POU4F1: variants seen among roughly 807,000 people sequenced by gnomAD.
POU4F1 encodes POU class 4 homeobox 1.
Under a neutral mutation model 19.8 loss-of-function variants are expected in POU4F1, and 5 were observed. The observed-to-expected ratio is 0.25, with a 90% CI of 0.13 to 0.53. POU4F1 has a LOEUF of 0.53. Among genes scored for constraint, POU4F1 ranks in the 20% least tolerant of loss-of-function variants. The pLI, the probability that POU4F1 is intolerant of heterozygous loss-of-function variation, is 0.96. For missense variants in POU4F1, 408 were observed against 511.6 expected, an observed-to-expected ratio of 0.80 and a Z score of 1.95; for synonymous variants, 266 against 247.7, an observed-to-expected ratio of 1.07 and a Z score of -0.69.
rs1318419132 is a variant in POU4F1, at chr13:78,599,180, TTTCAG to T, written c.*2230_*2234del. 8 of 152,742 alleles carry T rather than the reference TTTCAG, an allele frequency of 5.2e-5. No homozygotes were observed. Among genetic ancestry groups the T allele is most frequent in the Non-Finnish European group, 1.2e-4 (8 of 68,026 alleles). The allele number at this position is 152,742 out of a possible 1,614,324, so 9.5% of individuals were successfully genotyped here. A position where few individuals can be genotyped will look rare whatever the true frequency, so the allele number is the denominator to read the frequency against. ...CACCCAAATCATAAAACTGCTCTTC[TTTCAG>T]TTATGTTTTATTTGTAAGTGTACTG... On this transcript the variant is annotated 3_prime_UTR_variant, in exon 2 of 2. Transcript: ENST00000377208.
chr13:78,601,398 G>A lies in POU4F1; in HGVS notation c.*17C>T. ...CTCAGCTCCCCATTCTGTCCCGCCC[G>A]ACACCTCCCAGCCCCCTCAGTAAGT... On this transcript the variant is annotated 3_prime_UTR_variant, in exon 2 of 2. Transcript: ENST00000377208. 6.2e-7 allele frequency: 1 copy of A among 1,613,234 alleles called. No homozygotes were observed. The highest frequency in any genetic ancestry group is 8.5e-7 in the Non-Finnish European group (1 of 1,179,938).
Position 78,603,199 on chromosome 13 carries a change from C to T in POU4F1, c.123+5G>A, listed in dbSNP as rs777522728. 1 of 1,522,320 alleles carries T rather than the reference C, an allele frequency of 6.6e-7. No individual in the cohort carries two copies. Among genetic ancestry groups the T allele is most frequent in the Non-Finnish European group, 8.8e-7 (1 of 1,135,350 alleles). The allele number at this position is 1,522,320 out of a possible 1,614,324, so 94.3% of individuals were successfully genotyped here. ...GGGCCGGGGCCGCGGGCGTGGGGCGCTTACCGGCGGCGTGGGCAGGCAGGC... is the reference window on the plus strand; with the variant it reads ...GGGCCGGGGCCGCGGGCGTGGGGCGTTTACCGGCGGCGTGGGCAGGCAGGC... On this transcript the variant is annotated splice_donor_5th_base_variant and intron_variant, in intron 1 of 1. Coordinates refer to ENST00000377208, the MANE Select transcript of POU4F1 (RefSeq NM_006237.4).
Position 78,601,215 on chromosome 13 carries a change from G to A in POU4F1, c.*200C>T, listed in dbSNP as rs2137401563. 1.8e-6 allele frequency: 1 copy of A among 563,886 alleles called. No individual in the cohort carries two copies. The highest frequency in any genetic ancestry group is 5.2e-5 in the Admixed American group (1 of 19,258). The allele number at this position is 563,886 out of a possible 1,614,324, so 34.9% of individuals were successfully genotyped here. On this transcript the variant is annotated 3_prime_UTR_variant, in exon 2 of 2. Transcript: ENST00000377208. ...CCCTATACTCCAATCCCCACACCCA[G>A]CACCCCAGTCCTCAAGGCTAGGGGA...
chr13:78,601,778 C>T lies in POU4F1; in HGVS notation c.897G>A (p.Pro299=). The change falls in exon 2 of 2, where the codon CCG becomes CCA. Residue 299 remains proline, a synonymous_variant. Coordinates refer to ENST00000377208, the MANE Select transcript of POU4F1 (RefSeq NM_006237.4). ...VGSALANLKI[P]GVGSLSQSTI... Reference sequence around the variant, plus strand: ...TGCTCTGGCTGAGTGAGCCCACGCCCGGGATCTTGAGGTTGGCCAGCGCCG... The same window carrying T: ...TGCTCTGGCTGAGTGAGCCCACGCCTGGGATCTTGAGGTTGGCCAGCGCCG... The T allele has an allele frequency of 1.2e-6, 2 of 1,613,416 alleles. No individual in the cohort carries two copies. The highest frequency in any genetic ancestry group is 1.7e-6 in the Non-Finnish European group (2 of 1,179,870).
chr13:78,603,369 C>A lies in POU4F1; in HGVS notation c.-43G>T. ...TATATCCACAAACACTCCGAAAGTC[C>A]GCGGGAAAGTGCGTACGCCGGCTCA... is the stretch of plus-strand genomic sequence containing the variant. On this transcript the variant is annotated 5_prime_UTR_variant, in exon 1 of 2. Coordinates refer to ENST00000377208, the MANE Select transcript of POU4F1 (RefSeq NM_006237.4). 1 of 1,544,920 alleles carries A rather than the reference C, an allele frequency of 6.5e-7. No individual in the cohort carries two copies.
rs1331950780 is a variant in POU4F1 at position 78,599,475 on chromosome 13, A to T, written c.*1940T>A. ...ATATGACAAAAATGTTTTCAGTGGA[A>T]ACAGGCAGTAGACTGTGAAATCGCA... On this transcript the variant is annotated 3_prime_UTR_variant, in exon 2 of 2. Coordinates refer to ENST00000377208, the MANE Select transcript of POU4F1 (RefSeq NM_006237.4). 7.2e-5 allele frequency: 11 copies of T among 152,630 alleles called. No homozygotes were observed. The highest frequency in any genetic ancestry group is 5.9e-5 in the Non-Finnish European group (4 of 68,048). The allele number at this position is 152,630 out of a possible 1,614,324, so 9.5% of individuals were successfully genotyped here.
Position 78,603,210 on chromosome 13 carries a change from C to T in POU4F1, c.117G>A (p.Thr39=), listed in dbSNP as rs1464849010. Residue 39 remains threonine (T), a synonymous_variant, in exon 1 of 2, where the codon ACG becomes ACA. Coordinates refer to ENST00000377208, the MANE Select transcript of POU4F1 (RefSeq NM_006237.4). ...GCGGGCGTGGGGCGCTTACCGGCGG[C>T]GTGGGCAGGCAGGCCCGCCGGATGG... ...SEAIRRACLP[T]PPLQSNLFAS... 4 of 1,540,924 alleles carry T rather than the reference C, an allele frequency of 2.6e-6. No homozygotes were observed. Among genetic ancestry groups the T allele is most frequent in the Non-Finnish European group, 8.7e-7 (1 of 1,144,914 alleles).
chr13:78,601,280 AGAGC>A lies in POU4F1; in HGVS notation c.*131_*134del, dbSNP rs1874683815. Reference sequence around the variant, plus strand: ...AAATCAGAGAATGGGTGGAGGAAAGAGAGCGAGAAGGGACTCCCCAAATGCAGGC... The same window carrying A: ...AAATCAGAGAATGGGTGGAGGAAAGAGAGAAGGGACTCCCCAAATGCAGGC... On this transcript the variant is annotated 3_prime_UTR_variant, in exon 2 of 2. Transcript: ENST00000377208. 1 of 1,395,938 alleles carries A rather than the reference AGAGC, an allele frequency of 7.2e-7. No homozygotes were observed. The highest frequency in any genetic ancestry group is 2.5e-5 in the Admixed American group (1 of 40,378). The allele number at this position is 1,395,938 out of a possible 1,614,324, so 86.5% of individuals were successfully genotyped here.
rs754603861 is a variant in POU4F1 at position 78,601,653 on chromosome 13, C to A, written c.1022G>T (p.Arg341Leu). The A allele has an allele frequency of 1.9e-6, 3 of 1,613,780 alleles. No individual in the cohort carries two copies. The highest frequency in any genetic ancestry group is 2.5e-6 in the Non-Finnish European group (3 of 1,179,964). Residue 341 changes from arginine (R) to leucine (L), a missense_variant, in exon 2 of 2, where the codon CGC (arginine) becomes CTC (leucine). By Grantham distance (102) the Arg-to-Leu change is moderately radical. This residue lies in a region of POU4F1 where 39 missense variants were observed against 36.8 expected (regional missense o/e 1.06). Coordinates refer to ENST00000377208, the MANE Select transcript of POU4F1 (RefSeq NM_006237.4). ...AWLEEAEGAQ[R>L]EKMNKPELFN... is the part of the protein sequence containing the mutation. ...GAGCTCAGGCTTGTTCATTTTCTCG[C>A]GCTGGGCGCCCTCGGCCTCCTCGAG...
Position 78,601,592 on chromosome 13 carries a change from G to A in POU4F1, c.1083C>T (p.Ser361=), listed in dbSNP as rs373501695. 74 of 1,613,758 alleles carry A rather than the reference G, an allele frequency of 4.6e-5. No individual in the cohort carries two copies. The highest frequency in any genetic ancestry group is 6.0e-5 in the Non-Finnish European group (71 of 1,180,030). The part of the protein sequence containing the change: ...NGGEKKRKRT[S]IAAPEKRSLE... ...GGGAGCGCTTCTCGGGCGCGGCGATGGAAGTCCGCTTGCGCTTCTTCTCGC... is the reference window on the plus strand; with the variant it reads ...GGGAGCGCTTCTCGGGCGCGGCGATAGAAGTCCGCTTGCGCTTCTTCTCGC... The change falls in exon 2 of 2, where the codon TCC becomes TCT. Residue 361 remains serine, a synonymous_variant. Transcript: ENST00000377208.
chr13:78,598,744 A>G lies in POU4F1; in HGVS notation c.*2671T>C, dbSNP rs1030001392. 1.1e-4 allele frequency: 16 copies of G among 152,180 alleles called. No homozygotes were observed. The highest frequency in any genetic ancestry group is 3.6e-4 in the African/African-American group (15 of 41,422). 9.4% of individuals were successfully genotyped at this position (152,180 alleles called of 1,614,324 possible). On this transcript the variant is annotated 3_prime_UTR_variant, in exon 2 of 2. Transcript: ENST00000377208. ...AATGTTTTAAAATGTATTACCCTCC[A>G]AAGAAAAGCCATTCAGTTACTAGGT...
chr13:78,599,345 G>C lies in POU4F1; in HGVS notation c.*2070C>G, dbSNP rs1304899214. The stretch of plus-strand genomic sequence containing the variant: ...TACATGGACAGGTAGATCAATCCGT[G>C]AGACATTTCAGGATGAACACTGGCA... On this transcript the variant is annotated 3_prime_UTR_variant, in exon 2 of 2. Transcript: ENST00000377208. The C allele has an allele frequency of 6.6e-6, 1 of 152,622 alleles. No homozygotes were observed. Among genetic ancestry groups the C allele is most frequent in the Non-Finnish European group, 1.5e-5 (1 of 68,042 alleles). 9.5% of individuals were successfully genotyped at this position (152,622 alleles called of 1,614,324 possible).
chr13:78,601,914 C>A lies in POU4F1; in HGVS notation c.761G>T (p.Gly254Val). The change falls in exon 2 of 2, where the codon GGC (glycine) becomes GTC (valine). Residue 254 changes from glycine (G) to valine (V), a missense_variant. By Grantham distance (109) the Gly-to-Val change is moderately radical. This residue lies in a region of POU4F1 where 294 missense variants were observed against 288.2 expected (regional missense o/e 1.02). Coordinates refer to ENST00000377208, the MANE Select transcript of POU4F1 (RefSeq NM_006237.4). ...SAAAAVVGAAGLASICDSDTD... is the reference protein window; with the variant it reads ...SAAAAVVGAAVLASICDSDTD... The stretch of plus-strand genomic sequence containing the variant: ...GTCCGAGTCGCAGATGGACGCCAGG[C>A]CCGCTGCGCCCACCACGGCCGCCGC... 1 of 1,375,700 alleles carries A rather than the reference C, an allele frequency of 7.3e-7. No homozygotes were observed. Among genetic ancestry groups the A allele is most frequent in the African/African-American group, 1.5e-5 (1 of 66,538 alleles). The allele number at this position is 1,375,700 out of a possible 1,614,324, so 85.2% of individuals were successfully genotyped here. A position where few individuals can be genotyped will look rare whatever the true frequency, so the allele number is the denominator to read the frequency against.
rs1021586262 is a variant in POU4F1, at chr13:78,600,378, G to A, written c.*1037C>T. On this transcript the variant is annotated 3_prime_UTR_variant, in exon 2 of 2. Transcript: ENST00000377208. ...AGTGGGAAAAGCTTATTTTGAAATT[G>A]TCTAAAACTAGATCTTCGACATAAG... is the stretch of plus-strand genomic sequence containing the variant. 1.4e-4 allele frequency: 22 copies of A among 152,162 alleles called. No individual in the cohort carries two copies. The highest frequency in any genetic ancestry group is 4.6e-4 in the Admixed American group (7 of 15,276). 9.4% of individuals were successfully genotyped at this position (152,162 alleles called of 1,614,324 possible).
Position 78,601,580 on chromosome 13 carries a change from G to C in POU4F1, c.1095C>G (p.Pro365=), listed in dbSNP as rs778100572. The C allele has an allele frequency of 3.8e-5, 61 of 1,613,870 alleles. No individual in the cohort carries two copies. The Middle Eastern group carries it at 9.9e-4, about 26-fold the overall frequency. Residue 365 remains proline, a synonymous_variant, in exon 2 of 2, where the codon CCC becomes CCG. Transcript: ENST00000377208. ...KKRKRTSIAA[P]EKRSLEAYFA... ...AGTAGGCCTCGAGGGAGCGCTTCTC[G>C]GGCGCGGCGATGGAAGTCCGCTTGC...
Position 78,601,910 on chromosome 13 carries a change from C to T in POU4F1, c.765G>A (p.Leu255=), listed in dbSNP as rs1311552767. Reference sequence around the variant, plus strand: ...CCGTGTCCGAGTCGCAGATGGACGCCAGGCCCGCTGCGCCCACCACGGCCG... The same window carrying T: ...CCGTGTCCGAGTCGCAGATGGACGCTAGGCCCGCTGCGCCCACCACGGCCG... ...AAAAVVGAAG[L]ASICDSDTDP... The change falls in exon 2 of 2, where the codon CTG becomes CTA. Residue 255 remains leucine, a synonymous_variant. Coordinates refer to ENST00000377208, the MANE Select transcript of POU4F1 (RefSeq NM_006237.4). 2.8e-6 allele frequency: 4 copies of T among 1,449,290 alleles called. No homozygotes were observed. Among genetic ancestry groups the T allele is most frequent in the Non-Finnish European group, 3.6e-6 (4 of 1,105,644 alleles). 89.8% of individuals were successfully genotyped at this position (1,449,290 alleles called of 1,614,324 possible). A position where few individuals can be genotyped will look rare whatever the true frequency, so the allele number is the denominator to read the frequency against.
rs1039492069 is a variant in POU4F1 at position 78,600,311 on chromosome 13, T to TA, written c.*1103dup. 2.0e-5 allele frequency: 3 copies of TA among 151,590 alleles called. No individual in the cohort carries two copies. The highest frequency in any genetic ancestry group is 4.8e-5 in the African/African-American group (2 of 41,246). The allele number at this position is 151,590 out of a possible 1,614,324, so 9.4% of individuals were successfully genotyped here. Reference sequence around the variant, plus strand: ...AAAATCAGTAGTTTAAACCTCTCTCTAAAAAAAAGATAAAACTGAAAGGGC... The same window carrying TA: ...AAAATCAGTAGTTTAAACCTCTCTCTAAAAAAAAAGATAAAACTGAAAGGGC... On this transcript the variant is annotated 3_prime_UTR_variant, in exon 2 of 2. Coordinates refer to ENST00000377208, the MANE Select transcript of POU4F1 (RefSeq NM_006237.4).
In POU4F1 at chr13:78,599,415, C is replaced by T. The variant is rs1200783705; in HGVS notation, c.*2000G>A. 1 of 152,546 alleles carries T rather than the reference C, an allele frequency of 6.6e-6. No individual in the cohort carries two copies. The highest frequency in any genetic ancestry group is 2.4e-5 in the African/African-American group (1 of 41,410). The allele number at this position is 152,546 out of a possible 1,614,324, so 9.4% of individuals were successfully genotyped here. A position where few individuals can be genotyped will look rare whatever the true frequency, so the allele number is the denominator to read the frequency against. Reference sequence around the variant, plus strand: ...ATGTGTGCATTAAATAAAATATTTACAATAATCTTTTTTCCTTTTTCTTTG... The same window carrying T: ...ATGTGTGCATTAAATAAAATATTTATAATAATCTTTTTTCCTTTTTCTTTG... On this transcript the variant is annotated 3_prime_UTR_variant, in exon 2 of 2. Coordinates refer to ENST00000377208, the MANE Select transcript of POU4F1 (RefSeq NM_006237.4).
intron 1 of POU4F1, among the ~76,000 whole-genome samples, 171 bp downstream of exon 1, chr13:78,603,033 C>G (rs1874776411): frequency 6.6e-6 from 1 of 152,200 alleles, no homozygotes; most frequent in African/African-American, 2.4e-5. Context: ...CAGACAGGAA[C>G]ACGACATTAA....
Sources: gnomAD v4.1 joint callset for allele counts (sites outside exome capture counted in the v4.1 genomes callset) on GRCh38, gnomAD v4.1.1 for gene constraint, gnomAD v4.1.1 regional missense constraint, MANE v1.5 for transcripts, NCBI Gene and HGNC (gene_info 2026-07-23, HGNC 2026-07-21) for gene names.